EYA1: variants seen among roughly 807,000 people sequenced by gnomAD.
EYA1 encodes protein phosphatase EYA1.
EYA1 carries 16 observed loss-of-function variants against 82.0 expected under a neutral mutation model. The observed-to-expected ratio is 0.20, with a 90% CI of 0.13 to 0.30. EYA1 has a LOEUF of 0.30. EYA1 is among the 10% of genes least tolerant of loss of function. The pLI is 1.00. For missense variants in EYA1, 633 were observed against 730.7 expected, an observed-to-expected ratio of 0.87 and a Z score of 1.54; for synonymous variants, 261 against 264.4, an observed-to-expected ratio of 0.99 and a Z score of 0.12.
chr8:71,328,877 C>T (rs563576787), intron 4 of EYA1, among the ~76,000 whole-genome samples: 1 of 152,282 alleles, frequency 6.6e-6, no homozygotes, highest in Non-Finnish European at 1.5e-5. Flanking sequence ...ATCCTGGCCC[C>T]TTTTCCCCAC....
At chr8:71,505,324 C>G (rs149713647) in intron 2 of EYA1, among the ~76,000 whole-genome samples, 1 of 152,176 alleles carries the variant, frequency 6.6e-6, no homozygotes, top group Non-Finnish European at 1.5e-5. Context: ...AGCGCTGGCT[C>G]AAGCAATACA....
At chr8:71,373,106 T>G in intron 2 of EYA1, among the ~76,000 whole-genome samples, 1 of 152,220 alleles carries the variant, frequency 6.6e-6, no homozygotes, top group African/African-American at 2.4e-5. Context: ...ATACCACCTC[T>G]GTTCAAAATA....
chr8:71,356,541 T>G (rs1826900461), intron 1 of EYA1, 30 bp from the exon 2 acceptor site: 4 of 1,553,638 alleles, frequency 2.6e-6, no homozygotes, highest in Non-Finnish European at 3.5e-6. Flanking sequence ...AATTAGAAGA[T>G]GTTGTTACTC....
chr8:71,376,239 G>A (rs1391907200), intron 2 of EYA1, among the ~76,000 whole-genome samples: 1 of 152,178 alleles, frequency 6.6e-6, no homozygotes, highest in African/African-American at 2.4e-5. Flanking sequence ...GGAACAGCAA[G>A]TTCAAAGGGA....
intron 12 of EYA1, among the ~76,000 whole-genome samples, chr8:71,219,051 A>C (rs1014596858): frequency 5.9e-5 from 9 of 152,182 alleles, no homozygotes; most frequent in African/African-American, 2.2e-4. Context: ...TTCTGAAGCG[A>C]ATTTAGCTGT....
intron 3 of EYA1, among the ~76,000 whole-genome samples, chr8:71,342,093 C>T (rs1343088090): frequency 6.6e-6 from 1 of 152,180 alleles, no homozygotes; most frequent in Non-Finnish European, 1.5e-5. Flanking sequence ...GAGAAGATTA[C>T]ATGAGCCTCC....
At chr8:71,504,336 G>A (rs1812033046) in intron 2 of EYA1, among the ~76,000 whole-genome samples, 1 of 152,092 alleles carries the variant, frequency 6.6e-6, no homozygotes, top group Non-Finnish European at 1.5e-5. Flanking sequence ...ATAATCAAGT[G>A]AATTTTAAAA....
intron 4 of EYA1, among the ~76,000 whole-genome samples, chr8:71,327,035 A>G (rs1170785080): frequency 1.3e-5 from 2 of 152,178 alleles, no homozygotes; most frequent in African/African-American, 4.8e-5. Flanking sequence ...AGAGACTCCC[A>G]TTCATTCCTT....
intron 2 of EYA1, chr8:71,403,390 A>G (rs1301131533): frequency 6.6e-6 from 1 of 152,238 alleles, no homozygotes; most frequent in East Asian, 1.9e-4. Flanking sequence ...CAGAGTTGTG[A>G]AATGGAATTC....
chr8:71,519,619 A>G (rs1311821670), intron 2 of EYA1, among the ~76,000 whole-genome samples: 1 of 151,876 alleles, frequency 6.6e-6, no homozygotes, highest in Non-Finnish European at 1.5e-5. Context: ...GTCTTTCTAA[A>G]TTAGAGCAAG....
intron 3 of EYA1, among the ~76,000 whole-genome samples, chr8:71,346,363 A>G (rs1825702441): frequency 6.7e-6 from 1 of 149,914 alleles, no homozygotes; most frequent in East Asian, 2.0e-4. Context: ...GATATACAGT[A>G]TAGATATACT....
At chr8:71,537,302 A>T (rs1252496192) in intron 1 of EYA1, among the ~76,000 whole-genome samples, 1 of 152,198 alleles carries the variant, frequency 6.6e-6, no homozygotes, top group Non-Finnish European at 1.5e-5. Context: ...AATCATATGA[A>T]TGTATTCATG....
chr8:71,532,486 T>C (rs1360801366), intron 2 of EYA1, among the ~76,000 whole-genome samples: 1 of 152,286 alleles, frequency 6.6e-6, no homozygotes, highest in South Asian at 2.1e-4. Context: ...GAAAGAACCA[T>C]TGAGACTTGA....
chr8:71,257,119 TC>T (rs1407464597), intron 11 of EYA1, among the ~76,000 whole-genome samples: 94 of 152,332 alleles, frequency 6.2e-4, no homozygotes, highest in African/African-American at 2.1e-3. Context: ...ATTTATTACT[TC>T]TATTCTATTC....
At chr8:71,208,746 AT>A (rs1323029302) in intron 17 of EYA1, among the ~76,000 whole-genome samples, 1 of 149,294 alleles carries the variant, frequency 6.7e-6, no homozygotes, top group Non-Finnish European at 1.5e-5. Flanking sequence ...AGAAAAAAAA[AT>A]CTTAACTGCT....
Position 71,415,752 on chromosome 8 carries a change from T to C in EYA1, c.34-59241A>G, listed in dbSNP as rs148439986. On this transcript the variant is annotated intron_variant, in intron 2 of 18. Transcript: ENST00000643681. ...CCAAAGAGGCATCACGGCTCCTGTGTTGCATGTTCAGCAATGAAGGTAGAA... is the reference window on the plus strand; with the variant it reads ...CCAAAGAGGCATCACGGCTCCTGTGCTGCATGTTCAGCAATGAAGGTAGAA... 5.1e-3 allele frequency among the ~76,000 whole-genome samples: 779 copies of C among 152,322 alleles called. 19 individuals are homozygous for C. Among genetic ancestry groups the C allele is most frequent in the Admixed American group, 0.037 (570 of 15,304 alleles).
At chr8:71,473,524 G>A (rs1312484619) in intron 2 of EYA1, among the ~76,000 whole-genome samples, 1 of 152,116 alleles carries the variant, frequency 6.6e-6, no homozygotes, top group Non-Finnish European at 1.5e-5. Context: ...CAGTTAGAAT[G>A]GTGATCATTA....
At chr8:71,505,596 C>A (rs941210565) in intron 2 of EYA1, among the ~76,000 whole-genome samples, 1 of 152,154 alleles carries the variant, frequency 6.6e-6, no homozygotes, top group African/African-American at 2.4e-5. Context: ...GCAGAGTTTG[C>A]CACCCTCTGC....
At chr8:71,426,118 T>C (rs1443944577) in intron 2 of EYA1, among the ~76,000 whole-genome samples, 1 of 152,232 alleles carries the variant, frequency 6.6e-6, no homozygotes, top group African/African-American at 2.4e-5. Context: ...TATAAGTTAA[T>C]CAAATACTTT....
Sources: gnomAD v4.1 joint callset for allele counts (sites outside exome capture counted in the v4.1 genomes callset) on GRCh38, gnomAD v4.1.1 for gene constraint, MANE v1.5 for transcripts, NCBI Gene and HGNC (gene_info 2026-07-23, HGNC 2026-07-21) for gene names.